The following SYTL3 variants were observed in gnomAD, a reference collection of about 807,000 sequenced individuals.
The protein encoded by SYTL3 is synaptotagmin-like protein 3.
SYTL3 carries 88 observed loss-of-function variants against 82.1 expected under a neutral mutation model. The observed-to-expected ratio is 1.07, with a 90% CI of 0.90 to 1.28. The LOEUF is 1.28. Among genes scored for constraint, SYTL3 ranks in the 50% most tolerant of loss-of-function variants. The probability of loss-of-function intolerance (pLI) is 0.00; values close to 1 mark genes in which losing one functional copy is unlikely to be tolerated. For synonymous variants in SYTL3, 311 were observed against 289.4 expected, an observed-to-expected ratio of 1.07 and a Z score of -0.76; for missense variants, 831 against 757.6, an observed-to-expected ratio of 1.10 and a Z score of -1.14.
intron 5 of SYTL3, among the ~76,000 whole-genome samples, chr6:158,676,868 A>G (rs1350337697): frequency 1.3e-5 from 2 of 152,136 alleles, no homozygotes; most frequent in Non-Finnish European, 2.9e-5. Context: ...ACCATCTCAC[A>G]CCAGTTAGAA....
At chr6:158,730,491 C>T (rs562527545) in intron 11 of SYTL3, among the ~76,000 whole-genome samples, 12 of 152,294 alleles carry the variant, frequency 7.9e-5, no homozygotes, top group African/African-American at 1.2e-4. Context: ...GTGGCCCGTA[C>T]GGGGATACAC....
chr6:158,720,775 A>G lies in SYTL3; in HGVS notation c.720+2564A>G, dbSNP rs569491569. On this transcript the variant is annotated intron_variant, in intron 10 of 17. Transcript: ENST00000611299. ...TACTGTTCCTGTCCCTACTAAAGAC[A>G]GGGACACTGGGGCAAAGAGATGACC... Among the ~76,000 whole-genome samples, 19 of 152,326 alleles carry G rather than the reference A, an allele frequency of 1.2e-4. No individual in the cohort carries two copies. The South Asian group carries it at 3.7e-3, about 30-fold the overall frequency.
chr6:158,654,341 G>T (rs748834797), intron 2 of SYTL3, among the ~76,000 whole-genome samples: 29 of 152,162 alleles, frequency 1.9e-4, no homozygotes, highest in African/African-American at 7.0e-4. Flanking sequence ...TATCTGGCAC[G>T]TGCTTGATAC....
chr6:158,708,411 C>A lies in SYTL3; in HGVS notation c.516+20C>A. ...GGCAGGGTAACGTATCCATTCTGGG[C>A]ACTTCTCTAGTAGGGGTCAGGGGAT... On this transcript the variant is annotated intron_variant, in intron 8 of 17. Coordinates refer to ENST00000611299, the MANE Select transcript of SYTL3 (RefSeq NM_001242394.2). The A allele has an allele frequency of 2.5e-6, 4 of 1,610,700 alleles. No individual in the cohort carries two copies. The highest frequency in any genetic ancestry group is 3.4e-6 in the Non-Finnish European group (4 of 1,177,002).
At chr6:158,737,442 T>C (rs1173544539) in intron 11 of SYTL3, among the ~76,000 whole-genome samples, 2 of 152,212 alleles carry the variant, frequency 1.3e-5, no homozygotes, top group Non-Finnish European at 2.9e-5. Context: ...CCTTGTGAAA[T>C]AAAAGGGCAT....
At chr6:158,758,176 C>T (rs1017656672) in intron 14 of SYTL3, among the ~76,000 whole-genome samples, 3 of 152,164 alleles carry the variant, frequency 2.0e-5, no homozygotes, top group African/African-American at 4.8e-5. Context: ...CACGGTGGCT[C>T]TTGACTGTAA....
At position 158,665,543 on chromosome 6, in the gene SYTL3, G is replaced by A. The variant is rs747197609; in HGVS notation, c.259G>A (p.Val87Met). The change falls in exon 5 of 18, where the codon GTG becomes ATG. Residue 87 changes from valine to methionine, a missense_variant. Physicochemically the swap from Val to Met is conservative, Grantham distance 21 (BLOSUM62 1). Coordinates refer to ENST00000611299, the MANE Select transcript of SYTL3 (RefSeq NM_001242394.2). The part of the protein sequence containing the change: ...GAVCRGCSHR[V>M]CAQCRVFLRG... ...CGTGTGCCGGGGCTGCAGCCACCGC[G>A]TGTGTGCCCAGTGCCGAGTGTTCCT... The A allele has an allele frequency of 1.8e-5, 29 of 1,587,556 alleles. No homozygotes were observed. The highest frequency in any genetic ancestry group is 1.2e-4 in the African/African-American group (9 of 74,740).
intron 6 of SYTL3, among the ~76,000 whole-genome samples, chr6:158,690,212 G>T (rs1194445686): frequency 6.6e-6 from 1 of 152,246 alleles, no homozygotes; most frequent in Non-Finnish European, 1.5e-5. Context: ...ATGTTTGAGA[G>T]CAGGAGCTAT....
intron 5 of SYTL3, among the ~76,000 whole-genome samples, chr6:158,680,209 C>T (rs1385850942): frequency 6.6e-6 from 1 of 152,132 alleles, no homozygotes; most frequent in Non-Finnish European, 1.5e-5. Flanking sequence ...ATTTACCACC[C>T]ATGACTCCCT....
chr6:158,728,948 G>A (rs1785067713), intron 11 of SYTL3, among the ~76,000 whole-genome samples: 1 of 152,224 alleles, frequency 6.6e-6, no homozygotes, highest in Non-Finnish European at 1.5e-5. Context: ...GCTGAGGCAG[G>A]AGGCTGAGGC....
chr6:158,645,265 TA>T (rs374822966), upstream of SYTL3, among the ~76,000 whole-genome samples: 126 of 150,736 alleles, frequency 8.4e-4, no homozygotes, highest in African/African-American at 2.4e-3. Flanking sequence ...TAAGCACCAT[TA>T]AAAAAAAACA....
chr6:158,750,284 G>T (rs1788233067), intron 12 of SYTL3, among the ~76,000 whole-genome samples: 1 of 152,116 alleles, frequency 6.6e-6, no homozygotes, highest in Admixed American at 6.5e-5. Context: ...ATCCAACGTG[G>T]TTATTACCTG....
intron 4 of SYTL3, among the ~76,000 whole-genome samples, chr6:158,665,073 A>G (rs1217913448): frequency 6.6e-6 from 1 of 152,176 alleles, no homozygotes; most frequent in African/African-American, 2.4e-5. Context: ...GCTTACTATC[A>G]TAACAGCCTT....
At chr6:158,760,883 T>G in intron 15 of SYTL3, 138 bp downstream of exon 15, 1 of 692,832 alleles carries the variant, frequency 1.4e-6, no homozygotes, top group Non-Finnish European at 2.5e-6. Context: ...CAGCTCTTCT[T>G]TCTGAGCCAT....
intron 6 of SYTL3, among the ~76,000 whole-genome samples, chr6:158,702,597 T>A (rs973370945): frequency 2.0e-5 from 3 of 152,012 alleles, no homozygotes; most frequent in African/African-American, 7.2e-5. Flanking sequence ...TGGTTGTTGG[T>A]TTCCAGGTGG....
intron 10 of SYTL3, among the ~76,000 whole-genome samples, chr6:158,723,653 T>C (rs1186049853): frequency 1.3e-5 from 2 of 152,260 alleles, no homozygotes; most frequent in African/African-American, 2.4e-5. Flanking sequence ...GACTTTCTTC[T>C]AGTAAAACTC....
intron 5 of SYTL3, among the ~76,000 whole-genome samples, chr6:158,665,956 C>A (rs1006552086): frequency 6.6e-6 from 1 of 151,782 alleles, no homozygotes; most frequent in Non-Finnish European, 1.5e-5. Flanking sequence ...CAAAAAAATA[C>A]AAAAATTAGC....
intron 11 of SYTL3, among the ~76,000 whole-genome samples, chr6:158,727,360 T>C (rs1216243314): frequency 1.3e-5 from 2 of 151,160 alleles, no homozygotes; most frequent in African/African-American, 4.9e-5. Context: ...TTAGTAGAGA[T>C]GAGTTTCACC....
chr6:158,722,214 G>A (rs2128475355), intron 10 of SYTL3, among the ~76,000 whole-genome samples: 1 of 152,156 alleles, frequency 6.6e-6, no homozygotes, highest in Admixed American at 6.5e-5. Flanking sequence ...AGGCTGGAGT[G>A]TAGTGGTGCA....
Sources: gnomAD v4.1 joint callset for allele counts (sites outside exome capture counted in the v4.1 genomes callset) on GRCh38, gnomAD v4.1.1 for gene constraint, MANE v1.5 for transcripts, NCBI Gene and HGNC (gene_info 2026-07-23, HGNC 2026-07-21) for gene names.